SLC25A25: variants seen among roughly 807,000 people sequenced by gnomAD.
The protein encoded by SLC25A25 is mitochondrial adenyl nucleotide antiporter SLC25A25.
Under a neutral mutation model 57.7 loss-of-function variants are expected in SLC25A25, and 32 were observed. The ratio of observed to expected loss-of-function variants is 0.55; its 90% confidence interval spans 0.42 to 0.74. SLC25A25 has a LOEUF of 0.74. SLC25A25 is among the 30% of genes least tolerant of loss of function. SLC25A25 has a pLI of 0.00. For missense variants in SLC25A25, 556 were observed against 701.3 expected (o/e 0.79, Z 2.34); for synonymous variants, 306 against 291.2 (o/e 1.05, Z -0.52).
intron 9 of SLC25A25, 86 bp from the exon 10 acceptor site, chr9:128,106,943 T>C (rs1834065809): frequency 6.7e-7 from 1 of 1,499,344 alleles, no homozygotes; most frequent in Non-Finnish European, 9.1e-7. Context: ...CGGGTTCCAG[T>C]GGCCTGAGGA....
intron 1 of SLC25A25, 104 bp from the exon 2 acceptor site, chr9:128,100,992 C>T (rs1423166009): frequency 6.6e-7 from 1 of 1,512,948 alleles, no homozygotes; most frequent in Non-Finnish European, 9.0e-7. Flanking sequence ...GGGGCCAGCT[C>T]TGCTCGCAAT....
At chr9:128,090,440 G>T (rs1833375590) in intron 1 of SLC25A25, among the ~76,000 whole-genome samples, 1 of 151,522 alleles carries the variant, frequency 6.6e-6, no homozygotes. Context: ...CTTGAACTCC[G>T]CCTGCCTTGG....
chr9:128,070,541 A>T (rs1422369003), intron 1 of SLC25A25, among the ~76,000 whole-genome samples: 1 of 151,302 alleles, frequency 6.6e-6, no homozygotes, highest in Non-Finnish European at 1.5e-5. Context: ...GCACCCGGCT[A>T]GAGACAGGTT....
At chr9:128,092,233 C>G in intron 1 of SLC25A25, 1 of 1,087,198 alleles carries the variant, frequency 9.2e-7, no homozygotes, top group South Asian at 1.7e-5. Flanking sequence ...TGAGGAAGCC[C>G]ACAAATGCAA....
chr9:128,097,346 A>G (rs984397588), intron 1 of SLC25A25, among the ~76,000 whole-genome samples: 14 of 152,210 alleles, frequency 9.2e-5, no homozygotes, highest in African/African-American at 3.4e-4. Flanking sequence ...TTGCCCAGTG[A>G]AGTTTCCGCT....
rs1018264079 is a variant in SLC25A25 at position 128,107,765 on chromosome 9, G to A, written c.*321G>A. 3.0e-5 allele frequency: 12 copies of A among 406,296 alleles called. No individual in the cohort carries two copies. Among genetic ancestry groups the A allele is most frequent in the South Asian group, 1.2e-4 (1 of 8,160 alleles). 25.2% of individuals were successfully genotyped at this position (406,296 alleles called of 1,614,324 possible). A position where few individuals can be genotyped will look rare whatever the true frequency, so the allele number is the denominator to read the frequency against. ...ATAGCGAGCTTGGAGCCTGGAGGCC[G>A]GCTTAGTTCTTCCATTTCACCCTTG... On this transcript the variant is annotated 3_prime_UTR_variant, in exon 11 of 11. Coordinates refer to ENST00000373069, the MANE Select transcript of SLC25A25 (RefSeq NM_001330988.2).
At chr9:128,075,571 G>A (rs1417976780) in intron 1 of SLC25A25, among the ~76,000 whole-genome samples, 1 of 152,122 alleles carries the variant, frequency 6.6e-6, no homozygotes, top group Non-Finnish European at 1.5e-5. Flanking sequence ...GCCAAGTGTG[G>A]CGACTTACAC....
intron 6 of SLC25A25, among the ~76,000 whole-genome samples, chr9:128,104,237 C>T (rs1833925448): frequency 6.6e-6 from 1 of 152,228 alleles, no homozygotes; most frequent in Admixed American, 6.5e-5. Flanking sequence ...TCCATGTCCA[C>T]ACAGCAGAGA....
intron 1 of SLC25A25, among the ~76,000 whole-genome samples, chr9:128,074,820 G>A (rs1042746297): frequency 6.6e-6 from 1 of 151,966 alleles, no homozygotes; most frequent in Admixed American, 6.6e-5. Context: ...GGGCAACTTG[G>A]TGAAACCCTG....
rs1360888359 is a variant in SLC25A25 at position 128,095,025 on chromosome 9, G to A, written c.262-6071G>A. Among the ~76,000 whole-genome samples, 7 of 152,334 alleles carry A rather than the reference G, an allele frequency of 4.6e-5. No individual in the cohort carries two copies. In the South Asian group the frequency reaches 1.2e-3, roughly 27 times the overall value. ...CAATGCGCGTTGTGCCCAGATCTTG[G>A]AGTGTCAAGAAGGCCGGTGTGAAGC... On this transcript the variant is annotated intron_variant, in intron 1 of 10. Coordinates refer to ENST00000373069, the MANE Select transcript of SLC25A25 (RefSeq NM_001330988.2). This position sits in a 1 kb window ranked among gnomAD's most constrained non-coding sequence, Gnocchi z 4.4.
Position 128,086,837 on chromosome 9 carries a change from C to T in SLC25A25, c.262-14259C>T, listed in dbSNP as rs573774617. On this transcript the variant is annotated intron_variant, in intron 1 of 10. Coordinates refer to ENST00000373069, the MANE Select transcript of SLC25A25 (RefSeq NM_001330988.2). The stretch of plus-strand genomic sequence containing the variant: ...ATCCTCCCAGCCTTTGAGCTGTGGT[C>T]CTCATGCATTTTACTGTTACACACG... Among the ~76,000 whole-genome samples the T allele has an allele frequency of 3.2e-4, 49 of 152,268 alleles. No homozygotes were observed. In the South Asian group the frequency reaches 0.01, roughly 32 times the overall value.
intron 1 of SLC25A25, among the ~76,000 whole-genome samples, chr9:128,079,483 G>T (rs1025378497): frequency 2.0e-5 from 3 of 151,746 alleles, no homozygotes; most frequent in Non-Finnish European, 4.4e-5. Context: ...AACTGGCTGG[G>T]CGTTGTGGCT....
chr9:128,104,611 C>T (rs1833939735), intron 6 of SLC25A25, among the ~76,000 whole-genome samples: 1 of 152,176 alleles, frequency 6.6e-6, no homozygotes, highest in Admixed American at 6.5e-5. Flanking sequence ...CTGCCTCATC[C>T]TTTTGTTTTT....
chr9:128,072,648 G>C (rs537201191), intron 1 of SLC25A25, among the ~76,000 whole-genome samples: 1 of 152,306 alleles, frequency 6.6e-6, no homozygotes, highest in African/African-American at 2.4e-5. Flanking sequence ...CAGCCAGCCA[G>C]GGAAATTTTC....
At chr9:128,083,153 G>A (rs1257152562) in intron 1 of SLC25A25, among the ~76,000 whole-genome samples, 4 of 151,612 alleles carry the variant, frequency 2.6e-5, no homozygotes, top group African/African-American at 7.3e-5. Flanking sequence ...GCTTGAACCC[G>A]GGAGGTGGAG....
intron 1 of SLC25A25, among the ~76,000 whole-genome samples, chr9:128,076,809 T>C (rs888969868): frequency 1.1e-4 from 17 of 152,300 alleles, no homozygotes; most frequent in African/African-American, 2.4e-4. Flanking sequence ...TAATGCGAAT[T>C]TGGCAGAACC....
rs535890253 is a variant in SLC25A25 at position 128,105,603 on chromosome 9, C to T, written c.784-126C>T. On this transcript the variant is annotated intron_variant, in intron 6 of 10. Transcript: ENST00000373069. Reference sequence around the variant, plus strand: ...TTTGGGCTCATGATTCCAAGCTTGTCTTCAAAATGCACGGAAGAAAGGGCC... The same window carrying T: ...TTTGGGCTCATGATTCCAAGCTTGTTTTCAAAATGCACGGAAGAAAGGGCC... 39 of 1,430,830 alleles carry T rather than the reference C, an allele frequency of 2.7e-5. No homozygotes were observed. In the Admixed American group the frequency reaches 6.8e-4, roughly 25 times the overall value. The allele number at this position is 1,430,830 out of a possible 1,614,324, so 88.6% of individuals were successfully genotyped here. A position where few individuals can be genotyped will look rare whatever the true frequency, so the allele number is the denominator to read the frequency against.
intron 1 of SLC25A25, among the ~76,000 whole-genome samples, chr9:128,075,815 G>T (rs1832998842): frequency 1.3e-5 from 2 of 152,186 alleles, no homozygotes; most frequent in African/African-American, 4.8e-5. Context: ...CTGCACTCCA[G>T]CCTGGGTGAC....
At position 128,107,648 on chromosome 9, in the gene SLC25A25, C is replaced by T. The variant is rs1052195426; in HGVS notation, c.*204C>T. On this transcript the variant is annotated 3_prime_UTR_variant, in exon 11 of 11. Coordinates refer to ENST00000373069, the MANE Select transcript of SLC25A25 (RefSeq NM_001330988.2). ...CCCCAGCAGACCCTCCTGTTGGTTC[C>T]AGCGAAGACCACAGGCATTCCTTAG... 6.0e-5 allele frequency: 30 copies of T among 496,878 alleles called. No homozygotes were observed. Among genetic ancestry groups the T allele is most frequent in the African/African-American group, 5.2e-4 (27 of 51,772 alleles). The allele number at this position is 496,878 out of a possible 1,614,324, so 30.8% of individuals were successfully genotyped here. A position where few individuals can be genotyped will look rare whatever the true frequency, so the allele number is the denominator to read the frequency against.
Sources: allele counts gnomAD v4.1 joint callset (sites outside exome capture counted in the v4.1 genomes callset), GRCh38; gene constraint gnomAD v4.1.1; non-coding constraint Gnocchi (gnomAD v3.1); transcripts MANE v1.5; gene names NCBI Gene and HGNC (gene_info 2026-07-23, HGNC 2026-07-21).